The following NARS2 variants were observed in gnomAD, a reference collection of about 807,000 sequenced individuals.
The protein encoded by NARS2 is asparaginyl-tRNA synthetase 2, mitochondrial, also known as asparaginyl-tRNA synthetase.
NARS2 carries 60 observed loss-of-function variants against 62.9 expected under a neutral mutation model. The ratio of observed to expected loss-of-function variants is 0.95; its 90% CI spans 0.77 to 1.18. NARS2 has a LOEUF of 1.18. NARS2 is among the 50% of genes most tolerant of loss of function. NARS2 has a pLI of 0.00. For synonymous variants in NARS2, 196 were observed against 200.0 expected (o/e 0.98, Z 0.17); for missense variants, 619 against 576.4 (o/e 1.07, Z -0.76).
At chr11:78,478,373 T>C in intron 9 of NARS2, 65 bp downstream of exon 9, 1 of 701,488 alleles carries the variant, frequency 1.4e-6, no homozygotes, top group Admixed American at 3.9e-5. Flanking sequence ...ATTTAAAAAA[T>C]TATAATATAG....
intron 5 of NARS2, among the ~76,000 whole-genome samples, chr11:78,540,530 T>G (rs1210077416): frequency 6.6e-6 from 1 of 152,232 alleles, no homozygotes; most frequent in African/African-American, 2.4e-5. Flanking sequence ...TCTATTTTTA[T>G]CTCCTTTTAC....
At position 78,499,129 on chromosome 11, in the gene NARS2, G is replaced by A. The variant is rs184043153; in HGVS notation, c.690-5934C>T. On this transcript the variant is annotated intron_variant, in intron 6 of 13. Transcript: ENST00000281038. ...GACGGGGTTTCACGGTGTTAGCCAG[G>A]ATGGTCTTGATCTCCTGACCTCGTG... 1.7e-4 allele frequency among the ~76,000 whole-genome samples: 26 copies of A among 151,740 alleles called. No individual in the cohort carries two copies. The East Asian group carries it at 1.7e-3, about 10-fold the overall frequency.
chr11:78,485,203 G>A (rs989988323), intron 7 of NARS2, among the ~76,000 whole-genome samples: 3 of 152,168 alleles, frequency 2.0e-5, no homozygotes, highest in African/African-American at 7.2e-5. Context: ...CATGGACACA[G>A]GGAGGGGAAC....
At chr11:78,517,972 C>A (rs1860974029) in intron 6 of NARS2, among the ~76,000 whole-genome samples, 1 of 152,164 alleles carries the variant, frequency 6.6e-6, no homozygotes, top group Non-Finnish European at 1.5e-5. Flanking sequence ...CTAGGTTTCA[C>A]GGTTATATAA....
At chr11:78,513,340 CTCTT>C (rs781688515) in intron 6 of NARS2, among the ~76,000 whole-genome samples, 14 of 96,268 alleles carry the variant, frequency 1.5e-4, no homozygotes, top group Admixed American at 6.9e-4. Flanking sequence ...GTCTTATTCA[CTCTT>C]TCTTTTTTTT....
chr11:78,503,223 T>C (rs1860353495), intron 6 of NARS2, among the ~76,000 whole-genome samples: 1 of 152,006 alleles, frequency 6.6e-6, no homozygotes, highest in South Asian at 2.1e-4. Flanking sequence ...AAGTGTGCAC[T>C]CTTAAAAAGT....
intron 1 of NARS2, chr11:78,573,538 AAAAT>A (rs1382709807): frequency 6.6e-6 from 1 of 152,376 alleles, no homozygotes; most frequent in Non-Finnish European, 1.5e-5. Context: ...CCTGTCTCAA[AAAAT>A]AAATAACCAC....
intron 4 of NARS2, among the ~76,000 whole-genome samples, chr11:78,564,055 T>C (rs1856659113): frequency 6.7e-6 from 1 of 149,908 alleles, no homozygotes; most frequent in African/African-American, 2.5e-5. Context: ...CACGCCACCA[T>C]ACCCAGCTAA....
intron 6 of NARS2, among the ~76,000 whole-genome samples, chr11:78,499,201 C>T (rs1172685046): frequency 6.6e-6 from 1 of 152,114 alleles, no homozygotes; most frequent in Non-Finnish European, 1.5e-5. Flanking sequence ...CAGGCGTGAG[C>T]CACCGCGCCC....
intron 7 of NARS2, among the ~76,000 whole-genome samples, chr11:78,485,740 T>C (rs555538104): frequency 6.6e-6 from 1 of 152,290 alleles, no homozygotes; most frequent in East Asian, 1.9e-4. Context: ...GTAGCCCCAG[T>C]TGTGGAGTGG....
At chr11:78,469,674 C>G (rs1858782194) in intron 9 of NARS2, among the ~76,000 whole-genome samples, 1 of 152,142 alleles carries the variant, frequency 6.6e-6, no homozygotes. Context: ...TACTTGGCAC[C>G]TACTAGGCAC....
intron 6 of NARS2, among the ~76,000 whole-genome samples, chr11:78,504,443 T>TG (rs1565243093): frequency 8.6e-5 from 13 of 151,792 alleles, no homozygotes; most frequent in Admixed American, 7.9e-4. Context: ...AGTTTTTTTT[T>TG]TTTTTTTTTT....
intron 9 of NARS2, among the ~76,000 whole-genome samples, chr11:78,471,494 C>T (rs1321016587): frequency 1.3e-5 from 2 of 151,782 alleles, no homozygotes; most frequent in African/African-American, 4.8e-5. Flanking sequence ...AGTATTTGCA[C>T]TTGTAAAATA....
intron 4 of NARS2, among the ~76,000 whole-genome samples, chr11:78,560,612 T>C (rs865932483): frequency 1.3e-5 from 2 of 152,102 alleles, no homozygotes; most frequent in Non-Finnish European, 2.9e-5. Context: ...ATTGTCTCTA[T>C]GCATTACTAG....
rs151165102 is a variant in NARS2, at chr11:78,545,734, G to A, written c.594+13805C>T. 6.2e-3 allele frequency among the ~76,000 whole-genome samples: 938 copies of A among 151,884 alleles called. 4 individuals carry two copies. The highest frequency in any genetic ancestry group is 0.031 in the Middle Eastern group (9 of 294). On this transcript the variant is annotated intron_variant, in intron 5 of 13. Coordinates refer to ENST00000281038, the MANE Select transcript of NARS2 (RefSeq NM_024678.6). Reference sequence around the variant, plus strand: ...TAGAGATGGGAGATGGGGTTCTGTCGTATTGGCCAGGCTGGTCTCGAACTC... The same window carrying A: ...TAGAGATGGGAGATGGGGTTCTGTCATATTGGCCAGGCTGGTCTCGAACTC...
chr11:78,501,303 C>A (rs1590783783), intron 6 of NARS2, among the ~76,000 whole-genome samples: 2 of 152,194 alleles, frequency 1.3e-5, no homozygotes, highest in East Asian at 3.8e-4. Context: ...ATCTGTTGCA[C>A]TATCACATGC....
intron 12 of NARS2, 126 bp downstream of exon 12, chr11:78,443,535 G>C: frequency 1.9e-6 from 1 of 535,562 alleles, no homozygotes; most frequent in Non-Finnish European, 3.4e-6. Context: ...AGGACATAGA[G>C]AATCTGAGAT....
chr11:78,505,853 G>T (rs1311540766), intron 6 of NARS2, among the ~76,000 whole-genome samples: 1 of 151,936 alleles, frequency 6.6e-6, no homozygotes, highest in Non-Finnish European at 1.5e-5. Flanking sequence ...ATAAGAAAAA[G>T]ACTATAATAC....
chr11:78,533,412 G>A (rs1861552531), intron 5 of NARS2: 1 of 152,074 alleles, frequency 6.6e-6, no homozygotes, highest in Admixed American at 6.6e-5. Flanking sequence ...ACTACAGTTT[G>A]TAACCTTTTC....
Sources: allele counts gnomAD v4.1 joint callset (sites outside exome capture counted in the v4.1 genomes callset), GRCh38; gene constraint gnomAD v4.1.1; transcripts MANE v1.5; gene names NCBI Gene and HGNC (gene_info 2026-07-23, HGNC 2026-07-21).